GGA1: variants seen among roughly 807,000 people sequenced by gnomAD.
The protein encoded by GGA1 is golgi associated, gamma adaptin ear containing, ARF binding protein 1, also known as ADP-ribosylation factor-binding protein GGA1.
GGA1 carries 18 observed loss-of-function variants against 76.9 expected under a neutral mutation model. The ratio of observed to expected loss-of-function variants is 0.23; its 90% CI spans 0.16 to 0.35. The LOEUF (loss-of-function observed/expected upper bound fraction) is 0.35, where lower values mean the gene tolerates loss of function less well. GGA1 is among the 10% of genes least tolerant of loss of function. The pLI is 1.00. For missense variants in GGA1, 755 were observed against 859.0 expected, an observed-to-expected ratio of 0.88 and a Z score of 1.51; for synonymous variants, 342 against 354.7, an observed-to-expected ratio of 0.96 and a Z score of 0.40.
At chr22:37,621,751 G>C in intron 7 of GGA1, 55 bp downstream of exon 7, 1 of 1,216,126 alleles carries the variant, frequency 8.2e-7, no homozygotes, top group Non-Finnish European at 1.2e-6. Context: ...ATTGAGCTGG[G>C]CCACTGAGAT....
intron 4 of GGA1, 84 bp from the exon 5 acceptor site, chr22:37,620,154 G>T (rs1360292376): frequency 4.0e-6 from 6 of 1,503,368 alleles, no homozygotes; most frequent in Non-Finnish European, 5.5e-6. Context: ...GAGTCCTGGG[G>T]AGGCAGTAGG....
chr22:37,627,134 C>G (rs1477713925), intron 11 of GGA1: 1 of 152,194 alleles, frequency 6.6e-6, no homozygotes. Context: ...GCACTCCAGC[C>G]TGGTTGACAG....
rs185305790 is a variant in GGA1, at chr22:37,619,682, G to A, written c.304-556G>A. 4.1e-4 allele frequency: 265 copies of A among 653,690 alleles called. No homozygotes were observed. In the African/African-American group the frequency reaches 4.2e-3, roughly 10 times the overall value. The allele number at this position is 653,690 out of a possible 1,614,324, so 40.5% of individuals were successfully genotyped here. ...TGAGCCATGGCCTCCGGCCTACTGT[G>A]AACATTTCTTAAGCTGTTTGAGTGA... On this transcript the variant is annotated intron_variant, in intron 4 of 16. Transcript: ENST00000343632.
chr22:37,630,020 C>T lies in GGA1; in HGVS notation c.1181C>T (p.Pro394Leu), dbSNP rs1318319644. The part of the protein sequence containing the change: ...SFQSSDATEP[P>L]APALAQAPSM... ...CAGTCGTCGGATGCCACTGAGCCCC[C>T]AGCCCCTGCTCTGGCCCAGGCCCCC... The change falls in exon 13 of 17, where the codon CCA becomes CTA. Residue 394 changes from proline to leucine, a missense_variant. Transcript: ENST00000343632. 2 of 1,578,964 alleles carry T rather than the reference C, an allele frequency of 1.3e-6. No homozygotes were observed. Among genetic ancestry groups the T allele is most frequent in the African/African-American group, 2.7e-5 (2 of 73,172 alleles).
At position 37,632,758 on chromosome 22, in the gene GGA1, C is replaced by A; in HGVS notation, c.*47C>A. The A allele has an allele frequency of 8.6e-7, 1 of 1,164,004 alleles. No individual in the cohort carries two copies. Among genetic ancestry groups the A allele is most frequent in the Non-Finnish European group, 1.3e-6 (1 of 791,176 alleles). 72.1% of individuals were successfully genotyped at this position (1,164,004 alleles called of 1,614,324 possible). ...AAGGGGCAGAGGGACCGGTCACTGT[C>A]CAGCCTGGAGGGAGGCATTGGTGGC... On this transcript the variant is annotated 3_prime_UTR_variant, in exon 17 of 17. Coordinates refer to ENST00000343632, the MANE Select transcript of GGA1 (RefSeq NM_013365.5). This position sits in a 1 kb window ranked among gnomAD's most constrained non-coding sequence, Gnocchi z 5.1.
chr22:37,612,105 G>A (rs945894566), intron 1 of GGA1, among the ~76,000 whole-genome samples: 6 of 151,910 alleles, frequency 3.9e-5, no homozygotes, highest in Middle Eastern at 3.4e-3. Context: ...GCAGTGAGCC[G>A]AGATCTCGCC....
In GGA1 at chr22:37,623,808, C is replaced by A. The variant is rs1469183405; in HGVS notation, c.832+175C>A. On this transcript the variant is annotated intron_variant, in intron 9 of 16. Coordinates refer to ENST00000343632, the MANE Select transcript of GGA1 (RefSeq NM_013365.5). This position sits in a 1 kb window ranked among gnomAD's most constrained non-coding sequence, Gnocchi z 4.6. ...TCTGAGGACACAGAGCAGGGGCCGC[C>A]CCCCTGTTGAGAGGCCCTGTGGGCC... The A allele has an allele frequency of 6.8e-6, 4 of 590,950 alleles. No homozygotes were observed. Among genetic ancestry groups the A allele is most frequent in the African/African-American group, 5.6e-5 (3 of 53,530 alleles). The allele number at this position is 590,950 out of a possible 1,614,324, so 36.6% of individuals were successfully genotyped here.
intron 1 of GGA1, chr22:37,612,607 TA>T (rs1287531880): frequency 1.6e-5 from 2 of 126,734 alleles, no homozygotes; most frequent in Admixed American, 8.5e-5. Flanking sequence ...CTGTCTCTAC[TA>T]AAAATACAAA....
Position 37,618,429 on chromosome 22 carries a change from A to G in GGA1, c.205-19A>G. The G allele has an allele frequency of 1.4e-6, 2 of 1,456,168 alleles. No individual in the cohort carries two copies. Among genetic ancestry groups the G allele is most frequent in the South Asian group, 1.1e-5 (1 of 87,644 alleles). The allele number at this position is 1,456,168 out of a possible 1,614,324, so 90.2% of individuals were successfully genotyped here. ...CTGATGCACCTGGGCGTCCCCTCCC[A>G]TCCCCCCTCCCTGCACAGGTGCTGG... On this transcript the variant is annotated intron_variant, in intron 3 of 16. Coordinates refer to ENST00000343632, the MANE Select transcript of GGA1 (RefSeq NM_013365.5).
chr22:37,623,955 G>A lies in GGA1; in HGVS notation c.832+322G>A. ...GCCCAGATCACAGAGCAGAACAGTG[G>A]CAGAGCCAGGGGAGACGGAGGGCCA... On this transcript the variant is annotated intron_variant, in intron 9 of 16. Transcript: ENST00000343632. This position sits in a 1 kb window ranked among gnomAD's most constrained non-coding sequence, Gnocchi z 4.6. The A allele has an allele frequency of 3.2e-6, 1 of 308,456 alleles. No homozygotes were observed. The highest frequency in any genetic ancestry group is 6.2e-6 in the Non-Finnish European group (1 of 160,362). The allele number at this position is 308,456 out of a possible 1,614,324, so 19.1% of individuals were successfully genotyped here.
intron 1 of GGA1, among the ~76,000 whole-genome samples, chr22:37,613,470 G>T (rs936971700): frequency 6.6e-6 from 1 of 151,854 alleles, no homozygotes; most frequent in African/African-American, 2.4e-5. Flanking sequence ...GCGAGACCTC[G>T]GCTCACTCCA....
Position 37,616,967 on chromosome 22 carries a change from A to G in GGA1, c.174A>G (p.Pro58=). The G allele has an allele frequency of 6.2e-7, 1 of 1,609,574 alleles. No homozygotes were observed. Among genetic ancestry groups the G allele is most frequent in the Non-Finnish European group, 8.5e-7 (1 of 1,178,100 alleles). The change falls in exon 3 of 17, where the codon CCA becomes CCG. Residue 58 remains proline, a synonymous_variant. Coordinates refer to ENST00000343632, the MANE Select transcript of GGA1 (RefSeq NM_013365.5). ...TGCTGGCCCACAAGATCCAGTCCCC[A>G]CAGGAGTGGGAGGCGATCCAGGCCT... ...TRLLAHKIQS[P]QEWEAIQALT... is the part of the protein sequence containing the mutation.
rs1010323606 is a variant in GGA1 at position 37,632,836 on chromosome 22, C to G, written c.*125C>G. 2.8e-5 allele frequency: 18 copies of G among 653,904 alleles called. No homozygotes were observed. The highest frequency in any genetic ancestry group is 4.7e-5 in the Non-Finnish European group (17 of 358,568). 40.5% of individuals were successfully genotyped at this position (653,904 alleles called of 1,614,324 possible). ...ATTCACCCCCAGGCCTGGTGCTTCT[C>G]CCCACACCCCTGTAGGCCTCAAGTG... is the stretch of plus-strand genomic sequence containing the variant. On this transcript the variant is annotated 3_prime_UTR_variant, in exon 17 of 17. Coordinates refer to ENST00000343632, the MANE Select transcript of GGA1 (RefSeq NM_013365.5). The surrounding 1 kb of genome is among the most constrained non-coding windows in gnomAD (Gnocchi z 5.1).
At chr22:37,613,017 T>G in intron 1 of GGA1, 8 of 985,470 alleles carry the variant, frequency 8.1e-6, no homozygotes, top group Non-Finnish European at 9.6e-6. Context: ...CTCATTCATT[T>G]GCCAAGGGGA....
chr22:37,627,538 A>G (rs1931065667), intron 11 of GGA1, among the ~76,000 whole-genome samples: 1 of 152,202 alleles, frequency 6.6e-6, no homozygotes, highest in South Asian at 2.1e-4. Flanking sequence ...AGGAACGTTC[A>G]TACAAGGTTT....
At chr22:37,611,588 G>C (rs1927592689) in intron 1 of GGA1, among the ~76,000 whole-genome samples, 1 of 152,360 alleles carries the variant, frequency 6.6e-6, no homozygotes, top group Non-Finnish European at 1.5e-5. Context: ...ATGGCGGCCA[G>C]CCACTGGGAT....
Position 37,632,300 on chromosome 22 carries a change from C to T in GGA1, c.1699-105C>T. ...GTTGGTGTAGAAGGGACCAGAAGGA[C>T]TGAGCCCCAGGATCCCCGGAGGGGA... On this transcript the variant is annotated intron_variant, in intron 15 of 16. Transcript: ENST00000343632. The surrounding 1 kb of genome is among the most constrained non-coding windows in gnomAD (Gnocchi z 5.1). The T allele has an allele frequency of 7.7e-7, 1 of 1,299,572 alleles. No homozygotes were observed. The highest frequency in any genetic ancestry group is 1.1e-6 in the Non-Finnish European group (1 of 909,836). The allele number at this position is 1,299,572 out of a possible 1,614,324, so 80.5% of individuals were successfully genotyped here.
chr22:37,625,809 C>T lies in GGA1; in HGVS notation c.953C>T (p.Ala318Val), dbSNP rs1930710925. 6.3e-7 allele frequency: 1 copy of T among 1,590,058 alleles called. No homozygotes were observed. The highest frequency in any genetic ancestry group is 8.6e-7 in the Non-Finnish European group (1 of 1,165,404). Residue 318 changes from alanine (A) to valine (V), a missense_variant, in exon 11 of 17, where the codon GCC becomes GTC. By Grantham distance (64) the Ala-to-Val change is moderately conservative. Transcript: ENST00000343632. This position sits in a 1 kb window ranked among gnomAD's most constrained non-coding sequence, Gnocchi z 4.1. ...TAGSIPGSTS[A>V]LLDLSGLDLP... ...TTTCCCACCCCAGGGAGCACCTCGG[C>T]CCTGCTGGATCTCTCAGGCCTGGAT...
chr22:37,617,233 T>C, intron 3 of GGA1: 1 of 1,383,626 alleles, frequency 7.2e-7, no homozygotes, highest in Non-Finnish European at 9.3e-7. Flanking sequence ...TCTAGGGTCA[T>C]CTGGTCCAGG....
Sources: allele counts gnomAD v4.1 joint callset (sites outside exome capture counted in the v4.1 genomes callset), GRCh38; gene constraint gnomAD v4.1.1; non-coding constraint Gnocchi (gnomAD v3.1); transcripts MANE v1.5; gene names NCBI Gene and HGNC (gene_info 2026-07-23, HGNC 2026-07-21).